Variants in PHTF2 observed in about 807,000 individuals in gnomAD.
PHTF2 encodes the protein putative homeodomain transcription factor 2, also known as protein PHTF2.
PHTF2 carries 60 observed loss-of-function variants against 101.2 expected under a neutral mutation model. That is an observed-to-expected ratio of 0.59 (90% CI 0.48 to 0.73). The LOEUF (loss-of-function observed/expected upper bound fraction) is 0.73, where lower values mean the gene tolerates loss of function less well. PHTF2 is among the 30% of genes least tolerant of loss of function. The probability of loss-of-function intolerance (pLI) is 0.00; values close to 1 mark genes in which losing one functional copy is unlikely to be tolerated. For missense variants in PHTF2, 747 were observed against 908.7 expected, an observed-to-expected ratio of 0.82 and a Z score of 2.29; for synonymous variants, 311 against 307.3, an observed-to-expected ratio of 1.01 and a Z score of -0.13.
chr7:77,802,377 C>G (rs1792628310), intron 1 of PHTF2, among the ~76,000 whole-genome samples: 1 of 152,176 alleles, frequency 6.6e-6, no homozygotes, highest in Non-Finnish European at 1.5e-5. Context: ...CCAATACTTA[C>G]TTTCCCAGTT....
At chr7:77,910,195 G>T in intron 8 of PHTF2, 50 bp from the exon 8 acceptor site, 1 of 1,509,352 alleles carries the variant, frequency 6.6e-7, no homozygotes, top group South Asian at 1.2e-5. Flanking sequence ...TGAGAAAGTG[G>T]TTATTAAAAT....
At chr7:77,929,018 A>C in intron 11 of PHTF2, 91 bp from the exon 11 acceptor site, 1 of 880,202 alleles carries the variant, frequency 1.1e-6, no homozygotes, top group Non-Finnish European at 1.8e-6. Flanking sequence ...TTGTTTTAGC[A>C]AAAAGTATCA....
chr7:77,931,361 C>T (rs1375052862), intron 12 of PHTF2, among the ~76,000 whole-genome samples: 1 of 152,140 alleles, frequency 6.6e-6, no homozygotes, highest in Non-Finnish European at 1.5e-5. Flanking sequence ...CACAGTGTTA[C>T]TACATACAGG....
At chr7:77,823,785 C>T (rs951385099) in intron 1 of PHTF2, among the ~76,000 whole-genome samples, 9 of 152,154 alleles carry the variant, frequency 5.9e-5, no homozygotes, top group African/African-American at 2.2e-4. Flanking sequence ...GTAATTGAAA[C>T]TGTGTGAAAC....
intron 7 of PHTF2, among the ~76,000 whole-genome samples, chr7:77,906,776 C>T (rs1211133902): frequency 1.3e-5 from 2 of 152,044 alleles, no homozygotes; most frequent in South Asian, 2.1e-4. Flanking sequence ...AGCGTGGTGG[C>T]GGGCACCTGT....
At chr7:77,920,855 T>G (rs1218523169) in intron 10 of PHTF2, among the ~76,000 whole-genome samples, 2 of 152,094 alleles carry the variant, frequency 1.3e-5, no homozygotes, top group Non-Finnish European at 2.9e-5. Flanking sequence ...CTAATTTTTT[T>G]TTTGTTTTTT....
At chr7:77,856,532 T>G (rs1198127931) in intron 3 of PHTF2, among the ~76,000 whole-genome samples, 1 of 152,032 alleles carries the variant, frequency 6.6e-6, no homozygotes, top group East Asian at 1.9e-4. Flanking sequence ...ATTTTTTAAT[T>G]TTTTGTAAAG....
chr7:77,860,621 A>G (rs1444965323), intron 3 of PHTF2, among the ~76,000 whole-genome samples: 2 of 152,220 alleles, frequency 1.3e-5, no homozygotes, highest in African/African-American at 4.8e-5. Flanking sequence ...GTATTCAATA[A>G]ATACTGCTAT....
At chr7:77,946,976 C>A (rs1806100004) in intron 16 of PHTF2, among the ~76,000 whole-genome samples, 1 of 149,872 alleles carries the variant, frequency 6.7e-6, no homozygotes, top group Non-Finnish European at 1.5e-5. Context: ...AAAAAAAAGC[C>A]AGACATGGTG....
intron 5 of PHTF2, among the ~76,000 whole-genome samples, chr7:77,894,983 A>T (rs1307909641): frequency 6.6e-6 from 1 of 152,164 alleles, no homozygotes; most frequent in African/African-American, 2.4e-5. Context: ...TGCCTTGCCA[A>T]AGAATTTAGA....
chr7:77,800,541 T>C (rs1451681456), intron 1 of PHTF2, among the ~76,000 whole-genome samples: 1 of 152,172 alleles, frequency 6.6e-6, no homozygotes, highest in African/African-American at 2.4e-5. Context: ...GCATAGATAG[T>C]CAAGCCTCCA....
intron 3 of PHTF2, among the ~76,000 whole-genome samples, chr7:77,880,528 C>CT (rs1799319837): frequency 6.6e-6 from 1 of 152,096 alleles, no homozygotes; most frequent in Admixed American, 6.6e-5. Context: ...CCTTACCCTG[C>CT]TTGAGTTTCT....
At chr7:77,944,496 G>A (rs1289699789) in intron 16 of PHTF2, among the ~76,000 whole-genome samples, 2 of 152,164 alleles carry the variant, frequency 1.3e-5, no homozygotes, top group Non-Finnish European at 2.9e-5. Context: ...ATCTTGTCCT[G>A]TAACCCTCAT....
At chr7:77,935,558 T>G (rs960451188) in intron 12 of PHTF2, among the ~76,000 whole-genome samples, 1 of 152,184 alleles carries the variant, frequency 6.6e-6, no homozygotes, top group Admixed American at 6.5e-5. Flanking sequence ...CAGTTTCTAG[T>G]TGCTGTCTTC....
At chr7:77,815,442 AT>A (rs913921571) in intron 1 of PHTF2, among the ~76,000 whole-genome samples, 2 of 152,188 alleles carry the variant, frequency 1.3e-5, no homozygotes, top group African/African-American at 4.8e-5. Flanking sequence ...AGCTATAACT[AT>A]TTGGAAATTG....
At chr7:77,861,946 A>C (rs553393205) in intron 3 of PHTF2, among the ~76,000 whole-genome samples, 4 of 152,100 alleles carry the variant, frequency 2.6e-5, no homozygotes, top group Non-Finnish European at 5.9e-5. Context: ...AATCCCAGCT[A>C]TTCAGGAGGC....
At position 77,944,803 on chromosome 7, in the gene PHTF2, A is replaced by T. The variant is rs189101004; in HGVS notation, c.1959+2017A>T. On this transcript the variant is annotated intron_variant, in intron 16 of 19. Coordinates refer to ENST00000416283, the Ensembl canonical transcript of PHTF2. Reference sequence around the variant, plus strand: ...AAAGAACAGATAAGTTTGAAAAAGAACTTCAGACAAATGAAAAATACAGTT... The same window carrying T: ...AAAGAACAGATAAGTTTGAAAAAGATCTTCAGACAAATGAAAAATACAGTT... 2.0e-5 allele frequency among the ~76,000 whole-genome samples: 3 copies of T among 152,362 alleles called. No homozygotes were observed. In the East Asian group the frequency reaches 5.8e-4, roughly 29 times the overall value.
intron 2 of PHTF2, among the ~76,000 whole-genome samples, chr7:77,841,080 T>TTTTTTTTTTTTTTC: frequency 7.5e-6 from 1 of 134,038 alleles, no homozygotes; most frequent in Non-Finnish European, 1.6e-5. Context: ...ACAGACTTTT[T>TTTTTTTTTTTTTTC]TTTTTTTTTT....
intron 10 of PHTF2, 147 bp from the exon 10 acceptor site, chr7:77,922,476 G>A (rs567469335): frequency 5.5e-5 from 28 of 506,032 alleles, no homozygotes; most frequent in African/African-American, 5.0e-4. Flanking sequence ...CAGAAAATCA[G>A]GTAATACTAA....
Sources: gnomAD v4.1 joint callset for allele counts (sites outside exome capture counted in the v4.1 genomes callset) on GRCh38, gnomAD v4.1.1 for gene constraint, MANE v1.5 for transcripts, NCBI Gene and HGNC (gene_info 2026-07-23, HGNC 2026-07-21) for gene names.